Variants in MRPS34 observed in about 807,000 individuals in gnomAD.
MRPS34 encodes mitochondrial ribosomal protein S34.
In MRPS34, 12 loss-of-function variants were observed where a neutral mutation model predicts 13.3. That is an observed-to-expected ratio of 0.90 (90% CI 0.58 to 1.46). The LOEUF is 1.46. Ranked by LOEUF, MRPS34 falls within the 40% of genes most tolerant of loss-of-function variation. MRPS34 has a pLI of 0.00. For missense variants in MRPS34, 419 were observed against 335.3 expected, an observed-to-expected ratio of 1.25 and a Z score of -1.95; for synonymous variants, 181 against 149.3, an observed-to-expected ratio of 1.21 and a Z score of -1.55.
chr16:1,772,084 G>T lies in MRPS34; in HGVS notation c.*137C>A. 1.1e-6 allele frequency: 1 copy of T among 919,246 alleles called. No individual in the cohort carries two copies. The highest frequency in any genetic ancestry group is 1.7e-6 in the Non-Finnish European group (1 of 603,038). The allele number at this position is 919,246 out of a possible 1,614,324, so 56.9% of individuals were successfully genotyped here. On this transcript the variant is annotated 3_prime_UTR_variant, in exon 3 of 3. Transcript: ENST00000397375. The stretch of plus-strand genomic sequence containing the variant: ...CCCCAGCCCTCCCCCCTAAGATGCA[G>T]ACCCTCAGAACACGTCGCGGAAGGT...
chr16:1,772,424 C>T lies in MRPS34; in HGVS notation c.454G>A (p.Ala152Thr). 1.2e-6 allele frequency: 2 copies of T among 1,611,880 alleles called. No homozygotes were observed. The highest frequency in any genetic ancestry group is 2.2e-5 in the East Asian group (1 of 44,878). Reference sequence around the variant, plus strand: ...CTGTCTTCCGGCGCCGGCGTGAACGCGGTGAAGGCCTCCTCCTCGTGCTTG... The same window carrying T: ...CTGTCTTCCGGCGCCGGCGTGAACGTGGTGAAGGCCTCCTCCTCGTGCTTG... ...VPKHEEEAFT[A>T]FTPAPEDSLA... The change falls in exon 3 of 3, where the codon GCG (alanine) becomes ACG (threonine). Residue 152 changes from alanine (A) to threonine (T), a missense_variant. By Grantham distance (58) the Ala-to-Thr change is moderately conservative (BLOSUM62 0). Transcript: ENST00000397375.
chr16:1,773,072 G>T lies in MRPS34; in HGVS notation c.48C>A (p.Arg16=). ...GTTGCTCCCGCAGGGCGCGCACGCG[G>T]CGGGCCAGCTCCGCGATCAGCCGCG... ...VRPRLIAELA[R]RVRALREQLN... Residue 16 remains arginine (R), a synonymous_variant, in exon 1 of 3, where the codon CGC becomes CGA. Coordinates refer to ENST00000397375, the MANE Select transcript of MRPS34 (RefSeq NM_023936.2). 1 of 1,416,488 alleles carries T rather than the reference G, an allele frequency of 7.1e-7. No individual in the cohort carries two copies. 87.7% of individuals were successfully genotyped at this position (1,416,488 alleles called of 1,614,324 possible).
In MRPS34 at chr16:1,772,411, G is replaced by A. The variant is rs755134383; in HGVS notation, c.467C>T (p.Ala156Val). ...CACGGAGGCCAGGCTGTCTTCCGGC[G>A]CCGGCGTGAACGCGGTGAAGGCCTC... Reference protein sequence around the residue: ...EEEAFTAFTPAPEDSLASVPY... With the variant: ...EEEAFTAFTPVPEDSLASVPY... The change falls in exon 3 of 3, where the codon GCG becomes GTG. Residue 156 changes from alanine to valine, a missense_variant. By Grantham distance (64) the Ala-to-Val change is moderately conservative. Transcript: ENST00000397375. 3 of 1,611,806 alleles carry A rather than the reference G, an allele frequency of 1.9e-6. No homozygotes were observed. Among genetic ancestry groups the A allele is most frequent in the Admixed American group, 3.3e-5 (2 of 60,024 alleles).
chr16:1,772,074 C>A lies in MRPS34; in HGVS notation c.*147G>T. On this transcript the variant is annotated 3_prime_UTR_variant, in exon 3 of 3. Coordinates refer to ENST00000397375, the MANE Select transcript of MRPS34 (RefSeq NM_023936.2). ...TGGCGATTTGCCCCAGCCCTCCCCC[C>A]TAAGATGCAGACCCTCAGAACACGT... is the stretch of plus-strand genomic sequence containing the variant. 8.0e-6 allele frequency: 7 copies of A among 872,206 alleles called. No individual in the cohort carries two copies. Among genetic ancestry groups the A allele is most frequent in the South Asian group, 4.9e-5 (3 of 60,654 alleles). 54.0% of individuals were successfully genotyped at this position (872,206 alleles called of 1,614,324 possible). A position where few individuals can be genotyped will look rare whatever the true frequency, so the allele number is the denominator to read the frequency against.
chr16:1,772,417 G>A lies in MRPS34; in HGVS notation c.461C>T (p.Thr154Met), dbSNP rs1463230242. 8 of 1,611,686 alleles carry A rather than the reference G, an allele frequency of 5.0e-6. No individual in the cohort carries two copies. The highest frequency in any genetic ancestry group is 6.8e-6 in the Non-Finnish European group (8 of 1,180,006). Residue 154 changes from threonine to methionine, a missense_variant, in exon 3 of 3, where the codon ACG becomes ATG. Physicochemically the swap from Thr to Met is moderately conservative, Grantham distance 81. Coordinates refer to ENST00000397375, the MANE Select transcript of MRPS34 (RefSeq NM_023936.2). The stretch of plus-strand genomic sequence containing the variant: ...GGCCAGGCTGTCTTCCGGCGCCGGC[G>A]TGAACGCGGTGAAGGCCTCCTCCTC... Reference protein sequence around the residue: ...KHEEEAFTAFTPAPEDSLASV... With the variant: ...KHEEEAFTAFMPAPEDSLASV...
In MRPS34 at chr16:1,772,791, G is replaced by T. The variant is rs986798358; in HGVS notation, c.321+8C>A. The T allele has an allele frequency of 3.5e-6, 5 of 1,433,560 alleles. No individual in the cohort carries two copies. Among genetic ancestry groups the T allele is most frequent in the Non-Finnish European group, 3.7e-6 (4 of 1,093,394 alleles). 88.8% of individuals were successfully genotyped at this position (1,433,560 alleles called of 1,614,324 possible). ...TGCAGGGGCGGGGTGCGGACGGGGT[G>T]CACGCACCTGCGCCGTGTAGTCGGG... On this transcript the variant is annotated splice_region_variant and intron_variant, in intron 1 of 2. Transcript: ENST00000397375.
rs2042634635 is a variant in MRPS34 at position 1,772,448 on chromosome 16, T to C, written c.430A>G (p.Lys144Glu). The C allele has an allele frequency of 6.2e-7, 1 of 1,612,116 alleles. No individual in the cohort carries two copies. The highest frequency in any genetic ancestry group is 8.5e-7 in the Non-Finnish European group (1 of 1,179,978). Residue 144 changes from lysine (K) to glutamate (E), a missense_variant, in exon 3 of 3, where the codon AAG (lysine) becomes GAG (glutamate). By Grantham distance (56) the Lys-to-Glu change is moderately conservative. Coordinates refer to ENST00000397375, the MANE Select transcript of MRPS34 (RefSeq NM_023936.2). ...VMYHDWRLVP[K>E]HEEEAFTAFT... is the part of the protein sequence containing the mutation. ...GCGGTGAAGGCCTCCTCCTCGTGCT[T>C]GGGCACCAGCCGCCAGTCATGGTAC...
In MRPS34 at chr16:1,773,075, G is replaced by A. The variant is rs1447780567; in HGVS notation, c.45C>T (p.Ala15=). ...GCTCCCGCAGGGCGCGCACGCGGCG[G>A]GCCAGCTCCGCGATCAGCCGCGGAC... ...KVRPRLIAEL[A]RRVRALREQL... Residue 15 remains alanine, a synonymous_variant, in exon 1 of 3, where the codon GCC becomes GCT. Coordinates refer to ENST00000397375, the MANE Select transcript of MRPS34 (RefSeq NM_023936.2). 3 of 1,413,930 alleles carry A rather than the reference G, an allele frequency of 2.1e-6. No homozygotes were observed. The highest frequency in any genetic ancestry group is 3.2e-5 in the Admixed American group (1 of 30,918). 87.6% of individuals were successfully genotyped at this position (1,413,930 alleles called of 1,614,324 possible). A position where few individuals can be genotyped will look rare whatever the true frequency, so the allele number is the denominator to read the frequency against.
At position 1,772,964 on chromosome 16, in the gene MRPS34, G is replaced by T; in HGVS notation, c.156C>A (p.Val52=). The change falls in exon 1 of 3, where the codon GTC becomes GTA. Residue 52 remains valine (V), a synonymous_variant. Transcript: ENST00000397375. ...CGCGGCGCACGTCGGCCCAGGCCCG[G>T]ACCGGCAGCCGGCGTCCAGAGAACG... ...TRPFSGRRLP[V]RAWADVRRES... is the part of the protein sequence containing the mutation. 6.9e-7 allele frequency: 1 copy of T among 1,449,388 alleles called. No homozygotes were observed. Among genetic ancestry groups the T allele is most frequent in the Non-Finnish European group, 9.1e-7 (1 of 1,104,420 alleles). 89.8% of individuals were successfully genotyped at this position (1,449,388 alleles called of 1,614,324 possible). A position where few individuals can be genotyped will look rare whatever the true frequency, so the allele number is the denominator to read the frequency against.
In MRPS34 at chr16:1,772,822, C is replaced by G; in HGVS notation, c.298G>C (p.Val100Leu). ...DEPCYWRLTR[V>L]RPDYTAQNLD... ...ACCTGCGCCGTGTAGTCGGGCCGCA[C>G]CCGCGTGAGGCGCCAGTAGCACGGC... The change falls in exon 1 of 3, where the codon GTG becomes CTG. Residue 100 changes from valine (V) to leucine (L), a missense_variant. Physicochemically the swap from Val to Leu is conservative, Grantham distance 32. Transcript: ENST00000397375. 1 of 1,446,238 alleles carries G rather than the reference C, an allele frequency of 6.9e-7. No individual in the cohort carries two copies. The highest frequency in any genetic ancestry group is 1.4e-5 in the South Asian group (1 of 69,764). 89.6% of individuals were successfully genotyped at this position (1,446,238 alleles called of 1,614,324 possible).
In MRPS34 at chr16:1,772,466, C is replaced by T; in HGVS notation, c.412G>A (p.Asp138Asn). The change falls in exon 3 of 3, where the codon GAC becomes AAC. Residue 138 changes from aspartate (D) to asparagine (N), a missense_variant. Coordinates refer to ENST00000397375, the MANE Select transcript of MRPS34 (RefSeq NM_023936.2). The part of the protein sequence containing the change: ...AREIEHVMYH[D>N]WRLVPKHEEE... ...TCGTGCTTGGGCACCAGCCGCCAGT[C>T]ATGGTACATGACGTGTTCGATCTCC... is the stretch of plus-strand genomic sequence containing the variant. 6.2e-7 allele frequency: 1 copy of T among 1,612,444 alleles called. No homozygotes were observed. The highest frequency in any genetic ancestry group is 8.5e-7 in the Non-Finnish European group (1 of 1,179,986).
At position 1,772,901 on chromosome 16, in the gene MRPS34, G is replaced by A. The variant is rs1269671362; in HGVS notation, c.219C>T (p.Leu73=). The change falls in exon 1 of 3, where the codon CTC becomes CTT. Residue 73 remains leucine, a synonymous_variant. Transcript: ENST00000397375. The part of the protein sequence containing the change: ...RLLQLLGRLP[L]FGLGRLVTRK... ...GCGTGACCAGGCGGCCCAGGCCGAA[G>A]AGCGGGAGGCGGCCGAGCAGCTGCA... 4 of 1,451,476 alleles carry A rather than the reference G, an allele frequency of 2.8e-6. No homozygotes were observed. The highest frequency in any genetic ancestry group is 2.7e-5 in the East Asian group (1 of 37,710). The allele number at this position is 1,451,476 out of a possible 1,614,324, so 89.9% of individuals were successfully genotyped here. A position where few individuals can be genotyped will look rare whatever the true frequency, so the allele number is the denominator to read the frequency against.
chr16:1,772,785 CG>C lies in MRPS34; in HGVS notation c.321+13del. ...GGCGGCTGCAGGGGCGGGGTGCGGA[CG>C]GGGTGCACGCACCTGCGCCGTGTAG... On this transcript the variant is annotated intron_variant, in intron 1 of 2. Transcript: ENST00000397375. 6.9e-7 allele frequency: 1 copy of C among 1,451,488 alleles called. No individual in the cohort carries two copies. The highest frequency in any genetic ancestry group is 9.1e-7 in the Non-Finnish European group (1 of 1,102,392). 89.9% of individuals were successfully genotyped at this position (1,451,488 alleles called of 1,614,324 possible).
chr16:1,772,905 G>T lies in MRPS34; in HGVS notation c.215C>A (p.Pro72Gln), dbSNP rs994323145. ...GACCAGGCGGCCCAGGCCGAAGAGC[G>T]GGAGGCGGCCGAGCAGCTGCAAGAG... ...SRLLQLLGRL[P>Q]LFGLGRLVTR... is the part of the protein sequence containing the mutation. The change falls in exon 1 of 3, where the codon CCG (proline) becomes CAG (glutamine). Residue 72 changes from proline to glutamine, a missense_variant. Physicochemically the swap from Pro to Gln is moderately conservative, Grantham distance 76. Coordinates refer to ENST00000397375, the MANE Select transcript of MRPS34 (RefSeq NM_023936.2). 1.4e-6 allele frequency: 2 copies of T among 1,450,234 alleles called. No individual in the cohort carries two copies. Among genetic ancestry groups the T allele is most frequent in the East Asian group, 2.7e-5 (1 of 37,552 alleles). The allele number at this position is 1,450,234 out of a possible 1,614,324, so 89.8% of individuals were successfully genotyped here. A position where few individuals can be genotyped will look rare whatever the true frequency, so the allele number is the denominator to read the frequency against.
In MRPS34 at chr16:1,772,800, T is replaced by TACCA; in HGVS notation, c.319_320insTGGT (p.Gln107LeufsTer20). On this transcript the variant is annotated frameshift_variant and splice_region_variant, in exon 1 of 3. Transcript: ENST00000397375. LOFTEE classifies it low-confidence loss of function (END_TRUNC). Reference sequence around the variant, plus strand: ...GGGGTGCGGACGGGGTGCACGCACCTGCGCCGTGTAGTCGGGCCGCACCCG... The same window carrying TACCA: ...GGGGTGCGGACGGGGTGCACGCACCTACCAGCGCCGTGTAGTCGGGCCGCACCCG... 2.0e-6 allele frequency: 3 copies of TACCA among 1,463,592 alleles called. No homozygotes were observed. The highest frequency in any genetic ancestry group is 2.7e-6 in the Non-Finnish European group (3 of 1,113,082). 90.7% of individuals were successfully genotyped at this position (1,463,592 alleles called of 1,614,324 possible).
At position 1,772,830 on chromosome 16, in the gene MRPS34, A is replaced by G. The variant is rs759607447; in HGVS notation, c.290T>C (p.Leu97Pro). Residue 97 changes from leucine to proline, a missense_variant, in exon 1 of 3, where the codon CTC (leucine) becomes CCC (proline). Leu to Pro is a moderately conservative substitution (Grantham distance 98, BLOSUM62 -3). Transcript: ENST00000397375. ...CGTGTAGTCGGGCCGCACCCGCGTG[A>G]GGCGCCAGTAGCACGGCTCGTCGTG... The part of the protein sequence containing the change: ...WQHDEPCYWR[L>P]TRVRPDYTAQ... 7 of 1,444,116 alleles carry G rather than the reference A, an allele frequency of 4.8e-6. No homozygotes were observed. The highest frequency in any genetic ancestry group is 6.3e-6 in the Non-Finnish European group (7 of 1,103,654). The allele number at this position is 1,444,116 out of a possible 1,614,324, so 89.5% of individuals were successfully genotyped here. A position where few individuals can be genotyped will look rare whatever the true frequency, so the allele number is the denominator to read the frequency against.
Position 1,772,195 on chromosome 16 carries a change from T to C in MRPS34, c.*26A>G. 6.3e-7 allele frequency: 1 copy of C among 1,592,756 alleles called. No homozygotes were observed. Among genetic ancestry groups the C allele is most frequent in the Non-Finnish European group, 8.5e-7 (1 of 1,172,332 alleles). On this transcript the variant is annotated 3_prime_UTR_variant, in exon 3 of 3. Transcript: ENST00000397375. Reference sequence around the variant, plus strand: ...AAGGTCCCCACTGCCTCACAGCCCCTAAGGCCACCCGCTGGTTCTGGCATT... The same window carrying C: ...AAGGTCCCCACTGCCTCACAGCCCCCAAGGCCACCCGCTGGTTCTGGCATT...
chr16:1,772,235 C>T lies in MRPS34; in HGVS notation c.643G>A (p.Gly215Ser), dbSNP rs2042628756. Residue 215 changes from glycine (G) to serine (S), a missense_variant, in exon 3 of 3, where the codon GGC (glycine) becomes AGC (serine). Physicochemically the swap from Gly to Ser is moderately conservative, Grantham distance 56. Coordinates refer to ENST00000397375, the MANE Select transcript of MRPS34 (RefSeq NM_023936.2). The part of the protein sequence containing the change: ...AKQEDKGRAK[G>S]TPV ...GTTCTGGCATTCTAGACGGGGGTGCCCTTGGCCCTTCCTTTGTCTTCCTGT... is the reference window on the plus strand; with the variant it reads ...GTTCTGGCATTCTAGACGGGGGTGCTCTTGGCCCTTCCTTTGTCTTCCTGT... 6.2e-7 allele frequency: 1 copy of T among 1,607,620 alleles called. No individual in the cohort carries two copies. Among genetic ancestry groups the T allele is most frequent in the African/African-American group, 1.3e-5 (1 of 74,906 alleles).
chr16:1,772,619 T>G lies in MRPS34; in HGVS notation c.349A>C (p.Ile117Leu). The G allele has an allele frequency of 6.2e-7, 1 of 1,610,842 alleles. No homozygotes were observed. The highest frequency in any genetic ancestry group is 1.7e-4 in the Middle Eastern group (1 of 6,052). The part of the protein sequence containing the change: ...QNLDHGKAWG[I>L]LTFKGKTESE... ...CGAGCCTTACCTTTGAAGGTCAGGA[T>G]GCCCCAGGCCTTCCCGTGGTCCAAG... is the stretch of plus-strand genomic sequence containing the variant. The change falls in exon 2 of 3, where the codon ATC becomes CTC. Residue 117 changes from isoleucine to leucine, a missense_variant. Ile to Leu is a conservative substitution (Grantham distance 5). Coordinates refer to ENST00000397375, the MANE Select transcript of MRPS34 (RefSeq NM_023936.2).
Sources: gnomAD v4.1 joint callset for allele counts on GRCh38, gnomAD v4.1.1 for gene constraint, MANE v1.5 for transcripts, NCBI Gene and HGNC (gene_info 2026-07-23, HGNC 2026-07-21) for gene names.